BUD13: variants seen among roughly 807,000 people sequenced by gnomAD.
The protein encoded by BUD13 is BUD13 spliceosome associated protein.
A neutral mutation model predicts 62.5 loss-of-function variants in BUD13; 47 were observed. The observed-to-expected ratio is 0.75, with a 90% CI of 0.60 to 0.96. The LOEUF (loss-of-function observed/expected upper bound fraction) is 0.96, where lower values mean the gene tolerates loss of function less well. Ranked by LOEUF, BUD13 falls within the 40% of genes least tolerant of loss-of-function variation. The probability of loss-of-function intolerance (pLI) is 0.00; values close to 1 mark genes in which losing one functional copy is unlikely to be tolerated. For missense variants in BUD13, 821 were observed against 790.9 expected, an observed-to-expected ratio of 1.04 and a Z score of -0.46; for synonymous variants, 293 against 280.1, an observed-to-expected ratio of 1.05 and a Z score of -0.46.
At chr11:116,757,567 T>C (rs1940351612) in intron 8 of BUD13, among the ~76,000 whole-genome samples, 199 bp downstream of exon 8, 1 of 152,122 alleles carries the variant, frequency 6.6e-6, no homozygotes, top group African/African-American at 2.4e-5. Flanking sequence ...CCCGAAGTGC[T>C]AGGATTACAA....
Position 116,769,790 on chromosome 11 carries a change from G to A in BUD13, c.237+339C>T, listed in dbSNP as rs148607364. ...AGCTTGGCCTGGCACAATGGCTCAC[G>A]CCTGTAATCCCAGCACTTTGGGAGG... On this transcript the variant is annotated intron_variant, in intron 2 of 9. Transcript: ENST00000260210. Among the ~76,000 whole-genome samples, 946 of 152,204 alleles carry A rather than the reference G, an allele frequency of 6.2e-3. 8 individuals carry two copies. Among genetic ancestry groups the A allele is most frequent in the Non-Finnish European group, 0.011 (722 of 68,020 alleles).
At position 116,772,985 on chromosome 11, in the gene BUD13, G is replaced by A. The variant is rs977694691; in HGVS notation, c.-21C>T. The A allele has an allele frequency of 1.4e-5, 22 of 1,520,172 alleles. No individual in the cohort carries two copies. The highest frequency in any genetic ancestry group is 1.9e-5 in the Non-Finnish European group (21 of 1,127,870). 94.2% of individuals were successfully genotyped at this position (1,520,172 alleles called of 1,614,324 possible). A position where few individuals can be genotyped will look rare whatever the true frequency, so the allele number is the denominator to read the frequency against. The stretch of plus-strand genomic sequence containing the variant: ...GCCATGGCAGCGGCGGGGGCAGAGA[G>A]ACGGGTCGGCGCTGGGGACAAAATG... On this transcript the variant is annotated 5_prime_UTR_variant, in exon 1 of 10. Transcript: ENST00000260210.
chr11:116,769,219 A>G (rs949286627), intron 2 of BUD13, among the ~76,000 whole-genome samples: 1 of 152,048 alleles, frequency 6.6e-6, no homozygotes, highest in East Asian at 1.9e-4. Context: ...TTACCCTTCA[A>G]AACTCAGTAT....
rs552984103 is a variant in BUD13, at chr11:116,759,933, G to C, written c.1255-754C>G. ...CTGGGGAGAAAAATGCACATCACAG[G>C]CTCTATCATTCTGTTTCTTAACCAC... On this transcript the variant is annotated intron_variant, in intron 5 of 9. Coordinates refer to ENST00000260210, the MANE Select transcript of BUD13 (RefSeq NM_032725.4). 9.9e-5 allele frequency among the ~76,000 whole-genome samples: 15 copies of C among 152,152 alleles called. No individual in the cohort carries two copies. The South Asian group carries it at 3.1e-3, about 32-fold the overall frequency.
At chr11:116,766,503 T>C (rs771778801) in intron 2 of BUD13, among the ~76,000 whole-genome samples, 1 of 152,260 alleles carries the variant, frequency 6.6e-6, no homozygotes, top group Non-Finnish European at 1.5e-5. Context: ...AAGCACAGGT[T>C]TCGGGCAAGA....
rs146245210 is a variant in BUD13 at position 116,762,860 on chromosome 11, C to T, written c.729G>A (p.Arg243=). 1 of 1,612,892 alleles carries T rather than the reference C, an allele frequency of 6.2e-7. No individual in the cohort carries two copies. Among genetic ancestry groups the T allele is most frequent in the African/African-American group, 1.3e-5 (1 of 74,410 alleles). Residue 243 remains arginine, a synonymous_variant, in exon 4 of 10, where the codon AGG becomes AGA. Transcript: ENST00000260210. ...ATGTGTCAGGGGAGTTGTTATGGAC[C>T]CTTCTGGGGGAAGAGATATCTGAGG... ...HGSSDISSPR[R]VHNNSPDTSR...
chr11:116,756,768 A>G (rs1293923867), intron 9 of BUD13, among the ~76,000 whole-genome samples: 1 of 152,172 alleles, frequency 6.6e-6, no homozygotes, highest in African/African-American at 2.4e-5. Flanking sequence ...TCCTAAAACC[A>G]TAAAGTGAAT....
chr11:116,768,733 G>C (rs141801284), intron 2 of BUD13, among the ~76,000 whole-genome samples: 12 of 152,140 alleles, frequency 7.9e-5, no homozygotes, highest in African/African-American at 2.9e-4. Flanking sequence ...GCCAGGTGCA[G>C]TGGCTCACAC....
chr11:116,757,693 T>A, intron 8 of BUD13, 73 bp downstream of exon 8: 1 of 1,408,620 alleles, frequency 7.1e-7, no homozygotes, highest in Non-Finnish European at 9.7e-7. Context: ...TCTTTGCATA[T>A]AGCTATGTAT....
At chr11:116,766,732 A>G (rs1457872985) in intron 2 of BUD13, among the ~76,000 whole-genome samples, 1 of 152,212 alleles carries the variant, frequency 6.6e-6, no homozygotes, top group African/African-American at 2.4e-5. Context: ...TGCTATCGTA[A>G]TCATCATAAT....
At chr11:116,759,454 A>G (rs1398530992) in intron 5 of BUD13, among the ~76,000 whole-genome samples, 1 of 152,228 alleles carries the variant, frequency 6.6e-6, no homozygotes, top group Non-Finnish European at 1.5e-5. Context: ...TAAACTGCAC[A>G]CATGAAGACT....
intron 9 of BUD13, among the ~76,000 whole-genome samples, chr11:116,751,036 A>T (rs1353219461): frequency 2.0e-5 from 3 of 152,102 alleles, no homozygotes; most frequent in Non-Finnish European, 4.4e-5. Flanking sequence ...CTTAAAACTC[A>T]GCTCCCACAT....
intron 1 of BUD13, among the ~76,000 whole-genome samples, chr11:116,771,217 G>A (rs1940621914): frequency 6.6e-6 from 1 of 152,134 alleles, no homozygotes; most frequent in Non-Finnish European, 1.5e-5. Context: ...AAAACTCTTG[G>A]AATACTTTCA....
At chr11:116,761,987 A>G (rs1940438866) in intron 4 of BUD13, among the ~76,000 whole-genome samples, 1 of 152,254 alleles carries the variant, frequency 6.6e-6, no homozygotes, top group Admixed American at 6.5e-5. Flanking sequence ...GTTTATGTAC[A>G]AGGATGTTCA....
intron 9 of BUD13, among the ~76,000 whole-genome samples, chr11:116,749,361 A>C (rs1025693655): frequency 6.6e-6 from 1 of 152,232 alleles, no homozygotes; most frequent in Admixed American, 6.5e-5. Context: ...CTCTGGTAGA[A>C]ATACGCATGG....
chr11:116,760,666 TG>T, intron 5 of BUD13, 68 bp downstream of exon 5: 1 of 1,497,712 alleles, frequency 6.7e-7, no homozygotes, highest in Non-Finnish European at 9.3e-7. Flanking sequence ...CTTGATTCTC[TG>T]GGACATATAT....
At chr11:116,759,832 G>T (rs551239058) in intron 5 of BUD13, among the ~76,000 whole-genome samples, 4 of 152,260 alleles carry the variant, frequency 2.6e-5, no homozygotes, top group Admixed American at 1.3e-4. Context: ...CCTGGGTAAA[G>T]AACAGGCTGG....
At position 116,758,526 on chromosome 11, in the gene BUD13, T is replaced by C. The variant is rs1382402722; in HGVS notation, c.1361-119A>G. ...AAGAACTTCTGCAGCCAGACCAAAGTAGTTCCTACCAACATCTTGGTGCAT... is the reference window on the plus strand; with the variant it reads ...AAGAACTTCTGCAGCCAGACCAAAGCAGTTCCTACCAACATCTTGGTGCAT... On this transcript the variant is annotated intron_variant, in intron 6 of 9. Coordinates refer to ENST00000260210, the MANE Select transcript of BUD13 (RefSeq NM_032725.4). 54 of 1,093,336 alleles carry C rather than the reference T, an allele frequency of 4.9e-5. No homozygotes were observed. In the East Asian group the frequency reaches 1.3e-3, roughly 27 times the overall value. The allele number at this position is 1,093,336 out of a possible 1,614,324, so 67.7% of individuals were successfully genotyped here.
chr11:116,768,361 G>A (rs930315013), intron 2 of BUD13, among the ~76,000 whole-genome samples: 2 of 151,974 alleles, frequency 1.3e-5, no homozygotes, highest in Non-Finnish European at 2.9e-5. Flanking sequence ...ATTTAGCAGA[G>A]GAGTAGACTC....
Sources: allele counts gnomAD v4.1 joint callset (sites outside exome capture counted in the v4.1 genomes callset), GRCh38; gene constraint gnomAD v4.1.1; transcripts MANE v1.5; gene names NCBI Gene and HGNC (gene_info 2026-07-23, HGNC 2026-07-21).